Variants in ABHD17C observed in about 807,000 individuals in gnomAD.
The protein encoded by ABHD17C is abhydrolase domain containing 17C, depalmitoylase.
ABHD17C carries 11 observed loss-of-function variants against 27.9 expected under a neutral mutation model. That is an observed-to-expected ratio of 0.39 (90% CI 0.25 to 0.65). The LOEUF is 0.65. Ranked by LOEUF, ABHD17C falls within the 30% of genes least tolerant of loss-of-function variation. The pLI is 0.45. For synonymous variants in ABHD17C, 233 were observed against 209.1 expected, an observed-to-expected ratio of 1.11 and a Z score of -0.98; for missense variants, 280 against 470.2, an observed-to-expected ratio of 0.60 and a Z score of 3.74.
At chr15:80,732,762 A>T (rs1379966284) in intron 1 of ABHD17C, among the ~76,000 whole-genome samples, 1 of 152,150 alleles carries the variant, frequency 6.6e-6, no homozygotes, top group African/African-American at 2.4e-5. Context: ...TGTTTAACAC[A>T]CTTCCATTTT....
intron 1 of ABHD17C, among the ~76,000 whole-genome samples, chr15:80,738,078 G>A (rs1895158297): frequency 6.6e-6 from 1 of 152,108 alleles, no homozygotes; most frequent in African/African-American, 2.4e-5. Context: ...AACAGGTCTG[G>A]GAGAGAAGAG....
chr15:80,696,671 T>C (rs1894499658), intron 1 of ABHD17C, among the ~76,000 whole-genome samples: 1 of 152,110 alleles, frequency 6.6e-6, no homozygotes, highest in Non-Finnish European at 1.5e-5. Context: ...CAGGATAAGT[T>C]TGAAACTTGC....
rs1193923708 is a variant in ABHD17C at position 80,703,876 on chromosome 15, G to C, written c.590+7857G>C. On this transcript the variant is annotated intron_variant, in intron 1 of 2. Transcript: ENST00000258884. The stretch of plus-strand genomic sequence containing the variant: ...TGAGCCTTGGAGAGTACCAAATCTG[G>C]TTTACATTATGTTTTTTCCTATACA... 2.0e-5 allele frequency among the ~76,000 whole-genome samples: 3 copies of C among 152,130 alleles called. No individual in the cohort carries two copies. In the East Asian group the frequency reaches 5.8e-4, roughly 29 times the overall value.
chr15:80,730,309 A>G (rs907257624), intron 1 of ABHD17C, among the ~76,000 whole-genome samples: 2 of 152,214 alleles, frequency 1.3e-5, no homozygotes, highest in African/African-American at 4.8e-5. Flanking sequence ...CCCGTCCTGC[A>G]TAGCCCATGG....
intron 1 of ABHD17C, among the ~76,000 whole-genome samples, chr15:80,747,907 T>C (rs1298231265): frequency 6.6e-6 from 1 of 152,164 alleles, no homozygotes; most frequent in East Asian, 1.9e-4. Context: ...ACCTCACCCT[T>C]GGACACTCCA....
At chr15:80,747,398 C>T (rs555146508) in intron 1 of ABHD17C, among the ~76,000 whole-genome samples, 95 of 152,244 alleles carry the variant, frequency 6.2e-4, no homozygotes, top group African/African-American at 1.8e-3. Context: ...CCTCCCAGTC[C>T]GTGAAAGAAG....
chr15:80,744,627 G>A lies in ABHD17C; in HGVS notation c.591-4886G>A, dbSNP rs1340276840. On this transcript the variant is annotated intron_variant, in intron 1 of 2. Transcript: ENST00000258884. Reference sequence around the variant, plus strand: ...GCCCTTTGAAAAACGCTGGCAGTTCGCAGCATGCCTACTGACTCTACACAA... The same window carrying A: ...GCCCTTTGAAAAACGCTGGCAGTTCACAGCATGCCTACTGACTCTACACAA... Among the ~76,000 whole-genome samples the A allele has an allele frequency of 2.6e-5, 4 of 152,256 alleles. No homozygotes were observed. In the East Asian group the frequency reaches 5.8e-4, roughly 22 times the overall value.
intron 1 of ABHD17C, among the ~76,000 whole-genome samples, chr15:80,715,671 A>G (rs1236400579): frequency 2.0e-5 from 3 of 152,326 alleles, no homozygotes; most frequent in East Asian, 1.9e-4. Flanking sequence ...TGATCTTCAA[A>G]GCGCTTTCAC....
chr15:80,740,419 T>C (rs1895194100), intron 1 of ABHD17C, among the ~76,000 whole-genome samples: 1 of 152,082 alleles, frequency 6.6e-6, no homozygotes, highest in South Asian at 2.1e-4. Flanking sequence ...AGTAGGAGAA[T>C]ACATCAACTG....
chr15:80,733,957 T>C (rs1318180508), intron 1 of ABHD17C, among the ~76,000 whole-genome samples: 2 of 111,554 alleles, frequency 1.8e-5, no homozygotes, highest in Non-Finnish European at 3.5e-5. Flanking sequence ...TGAATTTTAT[T>C]TTATTATTTA....
chr15:80,735,206 C>T (rs1296833521), intron 1 of ABHD17C, among the ~76,000 whole-genome samples: 1 of 152,138 alleles, frequency 6.6e-6, no homozygotes, highest in African/African-American at 2.4e-5. Context: ...GAGAGGTTAA[C>T]CTTTTATGCC....
intron 1 of ABHD17C, among the ~76,000 whole-genome samples, chr15:80,727,076 C>T (rs996037787): frequency 3.3e-5 from 5 of 152,198 alleles, no homozygotes; most frequent in Non-Finnish European, 5.9e-5. Context: ...AAAGGTTTAA[C>T]TTAAAGTACA....
chr15:80,727,171 G>A (rs1035097513), intron 1 of ABHD17C, among the ~76,000 whole-genome samples: 7 of 152,186 alleles, frequency 4.6e-5, no homozygotes, highest in Admixed American at 3.9e-4. Context: ...TGTCTTTTCC[G>A]TGCCCTTGAA....
At position 80,754,315 on chromosome 15, in the gene ABHD17C, C is replaced by T; in HGVS notation, c.935C>T (p.Ala312Val). Residue 312 changes from alanine (A) to valine (V), a missense_variant, in exon 3 of 3, where the codon GCA (alanine) becomes GTA (valine). Physicochemically the swap from Ala to Val is moderately conservative, Grantham distance 64. Transcript: ENST00000258884. ...GAGHNDIELY[A>V]QYLERLKQFI... is the part of the protein sequence containing the mutation. ...GGGCATAATGACATAGAGCTTTATG[C>T]ACAATACCTAGAAAGACTAAAACAG... The T allele has an allele frequency of 6.2e-7, 1 of 1,613,922 alleles. No homozygotes were observed. Among genetic ancestry groups the T allele is most frequent in the Non-Finnish European group, 8.5e-7 (1 of 1,179,878 alleles).
intron 1 of ABHD17C, among the ~76,000 whole-genome samples, chr15:80,736,700 AC>A: frequency 1.3e-5 from 2 of 152,252 alleles, no homozygotes; most frequent in East Asian, 3.9e-4. Flanking sequence ...TAAAATGTTG[AC>A]TTCAAAGTCA....
chr15:80,710,491 G>A (rs1241314526), intron 1 of ABHD17C, among the ~76,000 whole-genome samples: 1 of 152,192 alleles, frequency 6.6e-6, no homozygotes, highest in Admixed American at 6.5e-5. Context: ...TGTCGAGGGA[G>A]GAAGGTGAGA....
In ABHD17C at chr15:80,754,562, G is replaced by A. The variant is rs567496597; in HGVS notation, c.*192G>A. The A allele has an allele frequency of 2.3e-4, 134 of 577,826 alleles. No homozygotes were observed. The highest frequency in any genetic ancestry group is 3.4e-4 in the Non-Finnish European group (110 of 326,260). 35.8% of individuals were successfully genotyped at this position (577,826 alleles called of 1,614,324 possible). A position where few individuals can be genotyped will look rare whatever the true frequency, so the allele number is the denominator to read the frequency against. Reference sequence around the variant, plus strand: ...GTGGTTCTGCTAATTCACACAACACGTTAAACTGAACAGTCGTGATTCCCA... The same window carrying A: ...GTGGTTCTGCTAATTCACACAACACATTAAACTGAACAGTCGTGATTCCCA... On this transcript the variant is annotated 3_prime_UTR_variant, in exon 3 of 3. Transcript: ENST00000258884.
At chr15:80,717,244 A>T in intron 1 of ABHD17C, among the ~76,000 whole-genome samples, 1 of 115,894 alleles carries the variant, frequency 8.6e-6, no homozygotes, top group Non-Finnish European at 1.7e-5. Flanking sequence ...GCCAGTGAGC[A>T]TTTGATGGGG....
intron 1 of ABHD17C, among the ~76,000 whole-genome samples, chr15:80,712,050 A>G (rs896728956): frequency 2.6e-5 from 4 of 152,188 alleles, no homozygotes; most frequent in Admixed American, 1.3e-4. Context: ...CTTCCTTGCC[A>G]GCAAGACAGA....
Sources: gnomAD v4.1 joint callset for allele counts (sites outside exome capture counted in the v4.1 genomes callset) on GRCh38, gnomAD v4.1.1 for gene constraint, MANE v1.5 for transcripts, NCBI Gene and HGNC (gene_info 2026-07-23, HGNC 2026-07-21) for gene names.